The following GRID2 variants were observed in gnomAD, a reference collection of about 807,000 sequenced individuals.
GRID2 encodes glutamate receptor ionotropic, delta-2.
GRID2 carries 33 observed loss-of-function variants against 114.8 expected under a neutral mutation model. The ratio of observed to expected loss-of-function variants is 0.29; its 90% CI spans 0.22 to 0.38. GRID2 has a LOEUF of 0.38. Among genes scored for constraint, GRID2 ranks in the 10% least tolerant of loss-of-function variants. The probability of loss-of-function intolerance (pLI) is 1.00; values close to 1 mark genes in which losing one functional copy is unlikely to be tolerated. For missense variants in GRID2, 1,184 were observed against 1,257.7 expected, an observed-to-expected ratio of 0.94 and a Z score of 0.89; for synonymous variants, 505 against 449.9, an observed-to-expected ratio of 1.12 and a Z score of -1.55.
intron 14 of GRID2, among the ~76,000 whole-genome samples, chr4:93,628,065 T>G (rs1560837615): frequency 6.6e-6 from 1 of 152,086 alleles, no homozygotes; most frequent in Admixed American, 6.5e-5. Flanking sequence ...TCTCAGCTAC[T>G]TGGGAGGCTG....
intron 11 of GRID2, among the ~76,000 whole-genome samples, chr4:93,460,315 C>G (rs894076820): frequency 2.6e-5 from 4 of 152,164 alleles, no homozygotes; most frequent in African/African-American, 9.7e-5. Flanking sequence ...CCAGTTACTC[C>G]AAACTTACGG....
intron 4 of GRID2, among the ~76,000 whole-genome samples, chr4:93,139,126 C>T (rs925809557): frequency 2.6e-5 from 4 of 152,112 alleles, no homozygotes; most frequent in East Asian, 1.9e-4. Flanking sequence ...AATCTGTTTA[C>T]AAAAGTTTGG....
At chr4:93,502,305 CA>C (rs1186035420) in intron 12 of GRID2, among the ~76,000 whole-genome samples, 1 of 152,010 alleles carries the variant, frequency 6.6e-6, no homozygotes, top group East Asian at 1.9e-4. Flanking sequence ...GCTCACTGCA[CA>C]AATATTTGCT....
chr4:92,918,308 T>A (rs1199488248), intron 2 of GRID2, among the ~76,000 whole-genome samples: 2 of 152,168 alleles, frequency 1.3e-5, no homozygotes, highest in Non-Finnish European at 2.9e-5. Context: ...CAGGGACAAT[T>A]TGACTTCCTC....
At chr4:92,451,849 G>C (rs940217430) in intron 1 of GRID2, among the ~76,000 whole-genome samples, 2 of 152,166 alleles carry the variant, frequency 1.3e-5, no homozygotes, top group African/African-American at 4.8e-5. Flanking sequence ...ATCTCAAATT[G>C]AGCCTAGAAA....
At chr4:92,395,252 T>C (rs1241776648) in intron 1 of GRID2, among the ~76,000 whole-genome samples, 2 of 151,786 alleles carry the variant, frequency 1.3e-5, no homozygotes, top group African/African-American at 4.8e-5. Context: ...GGAGAATTCA[T>C]AATAAGGTAG....
chr4:92,921,691 T>G lies in GRID2; in HGVS notation c.245-163304T>G, dbSNP rs566568074. On this transcript the variant is annotated intron_variant, in intron 2 of 15. Coordinates refer to ENST00000282020, the MANE Select transcript of GRID2 (RefSeq NM_001510.4). ...TTGGTGAACAGCAAATGTTGCTGCC[T>G]GATTGTTCCTCTGGAAGTTTTGTCT... 8.4e-4 allele frequency among the ~76,000 whole-genome samples: 128 copies of G among 152,250 alleles called. 1 individual carries two copies. Among genetic ancestry groups the G allele is most frequent in the African/African-American group, 2.9e-3 (120 of 41,556 alleles).
chr4:93,545,279 C>A (rs1025946445), intron 13 of GRID2, among the ~76,000 whole-genome samples: 5 of 152,118 alleles, frequency 3.3e-5, no homozygotes, highest in African/African-American at 1.2e-4. Flanking sequence ...CTGGGAGGAA[C>A]TAATTTAGAT....
chr4:92,522,096 T>C (rs1724810720), intron 1 of GRID2, among the ~76,000 whole-genome samples: 1 of 151,666 alleles, frequency 6.6e-6, no homozygotes, highest in South Asian at 2.1e-4. Flanking sequence ...CTGGTGGCAG[T>C]ATTAAGGAGG....
intron 2 of GRID2, among the ~76,000 whole-genome samples, chr4:92,723,629 C>G (rs545280298): frequency 3.9e-4 from 59 of 152,176 alleles, no homozygotes; most frequent in African/African-American, 1.3e-3. Flanking sequence ...TAAAAAGAAG[C>G]ATTAGCCTTT....
chr4:92,648,789 C>T (rs570572548), intron 2 of GRID2, among the ~76,000 whole-genome samples: 2 of 148,306 alleles, frequency 1.3e-5, no homozygotes, highest in Admixed American at 6.7e-5. Context: ...GCACTTGATT[C>T]ATTTACTATA....
chr4:93,024,386 A>G (rs200451198), intron 2 of GRID2, among the ~76,000 whole-genome samples: 2 of 151,790 alleles, frequency 1.3e-5, no homozygotes, highest in African/African-American at 4.8e-5. Flanking sequence ...TATTTATACC[A>G]TAGAATTTAT....
intron 2 of GRID2, among the ~76,000 whole-genome samples, chr4:92,720,196 T>C (rs915865537): frequency 6.6e-6 from 1 of 152,050 alleles, no homozygotes; most frequent in African/African-American, 2.4e-5. Context: ...CAAAAGATGT[T>C]CTGGACATCT....
chr4:92,759,415 T>G (rs1197361820), intron 2 of GRID2, among the ~76,000 whole-genome samples: 1 of 152,108 alleles, frequency 6.6e-6, no homozygotes, highest in Non-Finnish European at 1.5e-5. Flanking sequence ...AAAATCCCAT[T>G]CATATTTAAG....
intron 11 of GRID2, among the ~76,000 whole-genome samples, chr4:93,458,011 T>C (rs1285789407): frequency 1.3e-5 from 2 of 152,078 alleles, no homozygotes; most frequent in East Asian, 3.9e-4. Flanking sequence ...TTTGAAGACA[T>C]GGGAGTTAAT....
chr4:92,530,530 G>T, intron 1 of GRID2, among the ~76,000 whole-genome samples: 1 of 141,328 alleles, frequency 7.1e-6, no homozygotes, highest in African/African-American at 2.9e-5. Flanking sequence ...AAAAAAGAGA[G>T]ACTTCCGAGA....
intron 1 of GRID2, among the ~76,000 whole-genome samples, chr4:92,342,712 A>G (rs1727561501): frequency 6.6e-6 from 1 of 152,234 alleles, no homozygotes; most frequent in South Asian, 2.1e-4. Flanking sequence ...CCATAAAGTG[A>G]GTATATTGAT....
intron 8 of GRID2, among the ~76,000 whole-genome samples, chr4:93,275,877 G>A (rs529458311): frequency 6.6e-6 from 1 of 151,742 alleles, no homozygotes; most frequent in South Asian, 2.1e-4. Flanking sequence ...TCCTTTATCA[G>A]ATCTATGATT....
intron 13 of GRID2, among the ~76,000 whole-genome samples, chr4:93,570,091 C>T (rs912049499): frequency 2.0e-5 from 3 of 150,368 alleles, no homozygotes; most frequent in Non-Finnish European, 4.5e-5. Context: ...ATAACAGAAG[C>T]TTCATTAATA....
Sources: allele counts gnomAD v4.1 joint callset (sites outside exome capture counted in the v4.1 genomes callset), GRCh38; gene constraint gnomAD v4.1.1; transcripts MANE v1.5; gene names NCBI Gene and HGNC (gene_info 2026-07-23, HGNC 2026-07-21).